ADD3: variants seen among roughly 807,000 people sequenced by gnomAD.
ADD3 encodes gamma-adducin.
Under a neutral mutation model 80.2 loss-of-function variants are expected in ADD3, and 25 were observed. That is an observed-to-expected ratio of 0.31 (90% CI 0.23 to 0.44). ADD3 has a LOEUF of 0.44. ADD3 is among the 20% of genes least tolerant of loss of function. The pLI is 1.00. For synonymous variants in ADD3, 284 were observed against 289.6 expected, an observed-to-expected ratio of 0.98 and a Z score of 0.20; for missense variants, 829 against 847.5, an observed-to-expected ratio of 0.98 and a Z score of 0.27.
At chr10:110,033,715 G>A (rs1855315560) in intron 1 of ADD3, among the ~76,000 whole-genome samples, 1 of 152,158 alleles carries the variant, frequency 6.6e-6, no homozygotes, top group South Asian at 2.1e-4. Context: ...TGTATATAGT[G>A]CAAATACTTT....
In ADD3 at chr10:110,120,163, C is replaced by A. The variant is rs190206290; in HGVS notation, c.960+599C>A. Reference sequence around the variant, plus strand: ...TATGTATACATGTGCCATGCTGGTGCGCTGCACCCACCAACTCGTCATCTA... The same window carrying A: ...TATGTATACATGTGCCATGCTGGTGAGCTGCACCCACCAACTCGTCATCTA... On this transcript the variant is annotated intron_variant, in intron 8 of 14. Transcript: ENST00000356080. Among the ~76,000 whole-genome samples, 672 of 148,488 alleles carry A rather than the reference C, an allele frequency of 4.5e-3. 7 individuals are homozygous for A. The highest frequency in any genetic ancestry group is 0.015 in the African/African-American group (607 of 40,028).
At chr10:110,054,376 A>T (rs1028056340) in intron 1 of ADD3, among the ~76,000 whole-genome samples, 1 of 151,678 alleles carries the variant, frequency 6.6e-6, no homozygotes. Flanking sequence ...TAGAAGCCCT[A>T]GATTGATAAT....
At chr10:110,004,647 A>T (rs193177386), upstream of ADD3, among the ~76,000 whole-genome samples, 1 of 151,946 alleles carries the variant, frequency 6.6e-6, no homozygotes, top group Non-Finnish European at 1.5e-5. Context: ...CTCACTTTAC[A>T]AAATAGGGAA....
At chr10:110,005,704 C>T (rs1474767703), upstream of ADD3, 1 of 152,158 alleles carries the variant, frequency 6.6e-6, no homozygotes, top group Non-Finnish European at 1.5e-5. Flanking sequence ...AAAACTGGTG[C>T]TTCTAGCATT....
chr10:110,078,520 C>T (rs528010026), intron 1 of ADD3, among the ~76,000 whole-genome samples: 7 of 151,968 alleles, frequency 4.6e-5, no homozygotes, highest in Non-Finnish European at 1.0e-4. Context: ...CTATATAAAT[C>T]ATCTCATCAG....
chr10:110,111,880 T>G (rs941294439), intron 2 of ADD3, among the ~76,000 whole-genome samples: 1 of 151,114 alleles, frequency 6.6e-6, no homozygotes, highest in South Asian at 2.1e-4. Flanking sequence ...GCCGTTGCAC[T>G]CTAGCCTGGG....
intron 1 of ADD3, among the ~76,000 whole-genome samples, chr10:110,071,864 A>G (rs1450887757): frequency 6.6e-6 from 1 of 152,170 alleles, no homozygotes; most frequent in Non-Finnish European, 1.5e-5. Context: ...TGAACTTACC[A>G]ATCATTGTAG....
chr10:110,073,557 G>A lies in ADD3; in HGVS notation c.-29-27068G>A, dbSNP rs570706726. Among the ~76,000 whole-genome samples, 113 of 152,274 alleles carry A rather than the reference G, an allele frequency of 7.4e-4. 1 individual carries two copies. Among genetic ancestry groups the A allele is most frequent in the African/African-American group, 2.7e-3 (112 of 41,566 alleles). ...GCACAGCAGTCTAAATTATTCCAGT[G>A]GCACTTTAACTGCTGAGCAGCATTT... On this transcript the variant is annotated intron_variant, in intron 1 of 14. Transcript: ENST00000356080.
chr10:110,105,718 T>C (rs992818545), intron 2 of ADD3, among the ~76,000 whole-genome samples: 1 of 152,198 alleles, frequency 6.6e-6, no homozygotes, highest in African/African-American at 2.4e-5. Flanking sequence ...CTTATTTTGA[T>C]GCGAGGAGAA....
chr10:110,027,817 A>G (rs1406608901), intron 1 of ADD3, among the ~76,000 whole-genome samples: 2 of 152,252 alleles, frequency 1.3e-5, no homozygotes, highest in East Asian at 3.8e-4. Context: ...TTCCTGGGGC[A>G]TGTTTTAACC....
At chr10:110,018,285 T>C (rs1853234381) in intron 1 of ADD3, among the ~76,000 whole-genome samples, 1 of 152,074 alleles carries the variant, frequency 6.6e-6, no homozygotes. Flanking sequence ...CCCAGCACTT[T>C]GGGAGGCTGA....
intron 1 of ADD3, among the ~76,000 whole-genome samples, chr10:110,069,654 C>T (rs7920587): frequency 0.011 from 1,615 of 152,090 alleles, 31 homozygotes; most frequent in African/African-American, 0.038. Context: ...GCCACCTTGA[C>T]CATGAAATTT....
intron 1 of ADD3, among the ~76,000 whole-genome samples, chr10:110,067,685 A>G (rs953901708): frequency 6.6e-6 from 1 of 152,168 alleles, no homozygotes. Flanking sequence ...CTTTATGGGG[A>G]TCTTGTAGTT....
In ADD3 at chr10:110,041,924, CA is replaced by C. The variant is rs1564881222; in HGVS notation, c.-30+33631del. 2.0e-5 allele frequency among the ~76,000 whole-genome samples: 3 copies of C among 152,218 alleles called. No individual in the cohort carries two copies. The South Asian group carries it at 6.2e-4, about 32-fold the overall frequency. ...TAATGAAGGCCATGGATTCTCCCCCCAAAAAATATGTGGATAATTTTTTTAT... is the reference window on the plus strand; with the variant it reads ...TAATGAAGGCCATGGATTCTCCCCCCAAAAATATGTGGATAATTTTTTTAT... On this transcript the variant is annotated intron_variant, in intron 1 of 14. Coordinates refer to ENST00000356080, the MANE Select transcript of ADD3 (RefSeq NM_016824.5).
chr10:110,012,843 C>T (rs1206395642), intron 1 of ADD3, among the ~76,000 whole-genome samples: 1 of 152,100 alleles, frequency 6.6e-6, no homozygotes, highest in Admixed American at 6.5e-5. Context: ...AAGCCATCCT[C>T]CCACCTCAGC....
At chr10:110,055,332 A>G (rs1306138700) in intron 1 of ADD3, among the ~76,000 whole-genome samples, 1 of 152,178 alleles carries the variant, frequency 6.6e-6, no homozygotes, top group Non-Finnish European at 1.5e-5. Context: ...ATTACCCTTA[A>G]TTTCAGAAAT....
intron 1 of ADD3, among the ~76,000 whole-genome samples, chr10:110,077,479 G>T (rs1845500834): frequency 6.6e-6 from 1 of 152,040 alleles, no homozygotes; most frequent in South Asian, 2.1e-4. Flanking sequence ...AGCATAATCT[G>T]GCAATACTGT....
chr10:110,113,467 C>T (rs914803371), intron 3 of ADD3, among the ~76,000 whole-genome samples: 3 of 152,032 alleles, frequency 2.0e-5, no homozygotes, highest in Non-Finnish European at 4.4e-5. Flanking sequence ...CGGGGTTTCA[C>T]CATGTTGGTT....
At chr10:110,026,547 T>G (rs1030539474) in intron 1 of ADD3, among the ~76,000 whole-genome samples, 25 of 152,310 alleles carry the variant, frequency 1.6e-4, no homozygotes, top group African/African-American at 6.0e-4. Flanking sequence ...CCCAAAGTGC[T>G]GGGATTACAG....
Sources: allele counts gnomAD v4.1 joint callset (sites outside exome capture counted in the v4.1 genomes callset), GRCh38; gene constraint gnomAD v4.1.1; transcripts MANE v1.5; gene names NCBI Gene and HGNC (gene_info 2026-07-23, HGNC 2026-07-21).